Variants in GNAS observed in about 807,000 individuals in gnomAD.
GNAS encodes the protein protein ALEX.
In GNAS, 8 loss-of-function variants were observed where a neutral mutation model predicts 54.5. The ratio of observed to expected loss-of-function variants is 0.15; its 90% CI spans 0.09 to 0.26. The LOEUF is 0.26. GNAS is among the 10% of genes least tolerant of loss of function. The pLI, the probability that GNAS is intolerant of heterozygous loss-of-function variation, is 1.00. For missense variants in GNAS, 170 were observed against 529.8 expected, an observed-to-expected ratio of 0.32 and a Z score of 6.67; for synonymous variants, 204 against 191.4, an observed-to-expected ratio of 1.07 and a Z score of -0.54.
rs2086877999 is a variant in GNAS, at chr20:58,863,383, CACAGA to C, written c.43+22500_43+22504del. 1 of 152,066 alleles carries C rather than the reference CACAGA, an allele frequency of 6.6e-6. No individual in the cohort carries two copies. Among genetic ancestry groups the C allele is most frequent in the Non-Finnish European group, 1.5e-5 (1 of 68,010 alleles). 9.4% of individuals were successfully genotyped at this position (152,066 alleles called of 1,614,324 possible). On this transcript the variant is annotated intron_variant, in intron 1 of 12. Transcript: ENST00000306090. This position sits in a 1 kb window ranked among gnomAD's most constrained non-coding sequence, Gnocchi z 4.1. ...GTATTTTGACTTGTGGAGTTCTGCC[CACAGA>C]ACTGCACATTGGATCTTACTAAATG...
Position 58,853,988 on chromosome 20 carries a change from G to C in GNAS, c.43+13102G>C. 1 of 1,612,034 alleles carries C rather than the reference G, an allele frequency of 6.2e-7. No homozygotes were observed. The highest frequency in any genetic ancestry group is 1.1e-5 in the South Asian group (1 of 91,032). On this transcript the variant is annotated intron_variant, in intron 1 of 12. Coordinates refer to the GNAS transcript ENST00000306090. The surrounding 1 kb of genome is among the most constrained non-coding windows in gnomAD (Gnocchi z 4.4). ...TTGGGGACGACAGCCCACCCCCGGG[G>C]CTTTCCCGAGTTATCGCACAAGTCG...
At chr20:58,871,562 C>T (rs747194941) in intron 1 of GNAS, among the ~76,000 whole-genome samples, 11 of 141,812 alleles carry the variant, frequency 7.8e-5, no homozygotes, top group Non-Finnish European at 1.5e-4. Flanking sequence ...TGCAGTGAGC[C>T]GAGATTGTGC....
intron 1 of GNAS, among the ~76,000 whole-genome samples, chr20:58,872,754 G>A (rs1025398182): frequency 2.6e-5 from 4 of 151,712 alleles, no homozygotes; most frequent in Non-Finnish European, 4.4e-5. Context: ...GAGGGTGGGG[G>A]GCAGAGAGAG....
chr20:58,891,647 C>G lies in GNAS; in HGVS notation c.-80C>G. On this transcript the variant is annotated 5_prime_UTR_variant, in exon 1 of 13. Coordinates refer to ENST00000371085, the MANE Select transcript of GNAS (RefSeq NM_000516.7). ...CCGGCCCGCCCGCCCGGCGCTGCCC[C>G]GGCCCTCCCGGCCCGCGTGAGGCCG... 1 of 970,502 alleles carries G rather than the reference C, an allele frequency of 1.0e-6. No individual in the cohort carries two copies. Among genetic ancestry groups the G allele is most frequent in the South Asian group, 4.7e-5 (1 of 21,240 alleles). 60.1% of individuals were successfully genotyped at this position (970,502 alleles called of 1,614,324 possible). A position where few individuals can be genotyped will look rare whatever the true frequency, so the allele number is the denominator to read the frequency against.
chr20:58,865,354 G>A (rs1180108509), intron 1 of GNAS, among the ~76,000 whole-genome samples: 1 of 150,834 alleles, frequency 6.6e-6, no homozygotes, highest in East Asian at 2.0e-4. Flanking sequence ...GGAGGCAGAG[G>A]TTGCAGTGAG....
chr20:58,864,478 G>C (rs992724068), intron 1 of GNAS, among the ~76,000 whole-genome samples: 3 of 152,086 alleles, frequency 2.0e-5, no homozygotes. Context: ...TCATTCAGGG[G>C]GTTCCTTTTG....
intron 1 of GNAS, among the ~76,000 whole-genome samples, chr20:58,862,962 G>GAAAA (rs542171703): frequency 9.7e-5 from 8 of 82,280 alleles, no homozygotes; most frequent in East Asian, 2.8e-4. Context: ...TATTACACAT[G>GAAAA]AAAAAAAAAA....
At chr20:58,847,416 G>A (rs2145513546) in intron 1 of GNAS, among the ~76,000 whole-genome samples, 1 of 152,248 alleles carries the variant, frequency 6.6e-6, no homozygotes, top group East Asian at 1.9e-4. Context: ...AGAGTCTGAA[G>A]GGAAAAGGAT....
intron 1 of GNAS, among the ~76,000 whole-genome samples, chr20:58,882,051 CTT>C (rs1451408746): frequency 6.6e-6 from 1 of 152,120 alleles, no homozygotes; most frequent in Non-Finnish European, 1.5e-5. Flanking sequence ...TCTCCATTTT[CTT>C]TTTTGTTTGT....
At position 58,911,079 on chromosome 20, in the gene GNAS, A is replaced by AAAT. The variant is rs113675579; in HGVS notation, c.*253_*255dup. 11 of 644,682 alleles carry AAAT rather than the reference A, an allele frequency of 1.7e-5. 1 individual carries two copies. Among genetic ancestry groups the AAAT allele is most frequent in the African/African-American group, 1.4e-4 (8 of 55,642 alleles). The allele number at this position is 644,682 out of a possible 1,614,324, so 39.9% of individuals were successfully genotyped here. A position where few individuals can be genotyped will look rare whatever the true frequency, so the allele number is the denominator to read the frequency against. ...GTTCCCTCTCACTTTCAGTAAAAAT[A>AAAT]AATAAAACAGCAGCAGCAAACAAAT... is the stretch of plus-strand genomic sequence containing the variant. On this transcript the variant is annotated 3_prime_UTR_variant, in exon 13 of 13. Transcript: ENST00000371085.
chr20:58,864,936 CACACACACACACACACACACAA>C (rs1182245742), intron 1 of GNAS, among the ~76,000 whole-genome samples: 1 of 151,552 alleles, frequency 6.6e-6, no homozygotes, highest in Admixed American at 6.6e-5. Context: ...CAGACACACA[CACACACACACACACACACACAA>C]ACACACACGC....
upstream of GNAS, chr20:58,840,506 A>G: frequency 6.2e-7 from 1 of 1,612,830 alleles, no homozygotes; most frequent in South Asian, 1.1e-5. The surrounding 1 kb of genome is among the most constrained non-coding windows in gnomAD (Gnocchi z 6.0). Flanking sequence ...GACCGCCCCC[A>G]CCACTGAGCC....
At chr20:58,862,682 A>G (rs2086841431) in intron 1 of GNAS, among the ~76,000 whole-genome samples, 1 of 151,818 alleles carries the variant, frequency 6.6e-6, no homozygotes, top group Non-Finnish European at 1.5e-5. Context: ...TTCAGAGTAC[A>G]TTCTTTGTTT....
At chr20:58,842,374 GATGA>G (rs2085772636) in intron 1 of GNAS, 1 of 398,128 alleles carries the variant, frequency 2.5e-6, no homozygotes, top group Admixed American at 4.4e-5. Flanking sequence ...GAGGGCTTGA[GATGA>G]ATGACGGTCA....
chr20:58,900,174 C>G (rs758546515), intron 3 of GNAS: 20 of 579,364 alleles, frequency 3.5e-5, no homozygotes, highest in Non-Finnish European at 5.2e-5. Flanking sequence ...AGTATGACAA[C>G]TATCCAAAAA....
chr20:58,909,828 C>T lies in GNAS; in HGVS notation c.839+24C>T, dbSNP rs201151879. 6.2e-7 allele frequency: 1 copy of T among 1,612,786 alleles called. No homozygotes were observed. Reference sequence around the variant, plus strand: ...AGGTTTGTGGAGTGACCGCCCACCCCCTGCGCTTGCCCAGGAGGCCCTGGT... The same window carrying T: ...AGGTTTGTGGAGTGACCGCCCACCCTCTGCGCTTGCCCAGGAGGCCCTGGT... On this transcript the variant is annotated intron_variant, in intron 10 of 12. Transcript: ENST00000371085. This position sits in a 1 kb window ranked among gnomAD's most constrained non-coding sequence, Gnocchi z 7.3.
At chr20:58,844,234 G>GT (rs1482987307) in intron 1 of GNAS, among the ~76,000 whole-genome samples, 2 of 152,170 alleles carry the variant, frequency 1.3e-5, no homozygotes, top group Non-Finnish European at 2.9e-5. Flanking sequence ...TTACCTGGAA[G>GT]GTGACCTATC....
chr20:58,889,198 G>A, upstream of GNAS: 1 of 1,212,886 alleles, frequency 8.2e-7, no homozygotes, highest in South Asian at 1.3e-5. Context: ...CGGCACCGCG[G>A]AGCGGGCTGC....
chr20:58,909,647 G>A lies in GNAS; in HGVS notation c.719-37G>A, dbSNP rs373540960. On this transcript the variant is annotated intron_variant, in intron 9 of 12. Coordinates refer to ENST00000371085, the MANE Select transcript of GNAS (RefSeq NM_000516.7). This position sits in a 1 kb window ranked among gnomAD's most constrained non-coding sequence, Gnocchi z 7.3. ...TTCTGTGTTGTTAGGGATCAGGGTC[G>A]CTGCTCACGCTCTTGGCTTTGCTCT... The A allele has an allele frequency of 8.6e-5, 138 of 1,613,978 alleles. No individual in the cohort carries two copies. Among genetic ancestry groups the A allele is most frequent in the Non-Finnish European group, 9.9e-5 (117 of 1,179,976 alleles).
Sources: gnomAD v4.1 joint callset for allele counts (sites outside exome capture counted in the v4.1 genomes callset) on GRCh38, gnomAD v4.1.1 for gene constraint, Gnocchi (gnomAD v3.1) non-coding constraint, MANE v1.5 for transcripts, NCBI Gene and HGNC (gene_info 2026-07-23, HGNC 2026-07-21) for gene names.